SNX29: variants seen among roughly 807,000 people sequenced by gnomAD.
SNX29 encodes sorting nexin-29.
Under a neutral mutation model 102.1 loss-of-function variants are expected in SNX29, and 78 were observed. The observed-to-expected ratio is 0.76, with a 90% CI of 0.64 to 0.92. The LOEUF (loss-of-function observed/expected upper bound fraction) is 0.92. Among genes scored for constraint, SNX29 ranks in the 40% least tolerant of loss-of-function variants. The probability of loss-of-function intolerance (pLI) is 0.00; values close to 1 mark genes in which losing one functional copy is unlikely to be tolerated. For missense variants in SNX29, 1,280 were observed against 1,061.7 expected, an observed-to-expected ratio of 1.21 and a Z score of -2.86; for synonymous variants, 580 against 414.5, an observed-to-expected ratio of 1.40 and a Z score of -4.85.
chr16:12,314,463 C>T, intron 15 of SNX29, among the ~76,000 whole-genome samples: 1 of 152,252 alleles, frequency 6.6e-6, no homozygotes, highest in East Asian at 1.9e-4. Context: ...GCCGTGTGGC[C>T]TCAGCCGAGT....
At chr16:12,461,351 A>T (rs1335025370) in intron 18 of SNX29, among the ~76,000 whole-genome samples, 3 of 152,114 alleles carry the variant, frequency 2.0e-5, no homozygotes, top group African/African-American at 7.2e-5. Context: ...GAATTTCCAG[A>T]GGTGGTTTTG....
chr16:12,560,959 C>T (rs998677066), intron 20 of SNX29: 1 of 210,744 alleles, frequency 4.7e-6, no homozygotes, highest in Non-Finnish European at 9.6e-6. Context: ...CAGACCCAGA[C>T]CTGCCTTCAA....
In SNX29 at chr16:12,570,172, G is replaced by A. The variant is rs1056745646; in HGVS notation, c.*1543G>A. The A allele has an allele frequency of 2.8e-6, 3 of 1,065,196 alleles. No individual in the cohort carries two copies. Among genetic ancestry groups the A allele is most frequent in the East Asian group, 5.0e-5 (1 of 20,072 alleles). 66.0% of individuals were successfully genotyped at this position (1,065,196 alleles called of 1,614,324 possible). ...TCACACACAGCGCCCCCCCACCCCAGAGAAACCGAGTCAGCCTACATGACT... is the reference window on the plus strand; with the variant it reads ...TCACACACAGCGCCCCCCCACCCCAAAGAAACCGAGTCAGCCTACATGACT... On this transcript the variant is annotated 3_prime_UTR_variant, in exon 21 of 21. Coordinates refer to ENST00000566228, the MANE Select transcript of SNX29 (RefSeq NM_032167.5).
At chr16:11,988,266 C>G (rs1037549079) in intron 1 of SNX29, among the ~76,000 whole-genome samples, 3 of 149,722 alleles carry the variant, frequency 2.0e-5, no homozygotes, top group African/African-American at 7.4e-5. Context: ...TGCACTCCAG[C>G]CTGGGCGACA....
chr16:12,349,548 G>A (rs1275443191), intron 15 of SNX29, among the ~76,000 whole-genome samples: 2 of 152,214 alleles, frequency 1.3e-5, no homozygotes, highest in Non-Finnish European at 2.9e-5. Flanking sequence ...GCTCATTGGA[G>A]CATTTGGATT....
At chr16:12,240,905 C>A (rs1000245478) in intron 14 of SNX29, among the ~76,000 whole-genome samples, 1 of 152,116 alleles carries the variant, frequency 6.6e-6, no homozygotes, top group Non-Finnish European at 1.5e-5. Flanking sequence ...CGCACCTTGC[C>A]ATCTTTGTCA....
chr16:12,511,745 G>A (rs529740216), intron 19 of SNX29, among the ~76,000 whole-genome samples: 19 of 152,294 alleles, frequency 1.2e-4, no homozygotes, highest in African/African-American at 4.6e-4. Flanking sequence ...GAGCTGCCCA[G>A]GGATTGGGGC....
chr16:12,371,464 A>C (rs2082679613), intron 16 of SNX29, among the ~76,000 whole-genome samples: 1 of 152,012 alleles, frequency 6.6e-6, no homozygotes, highest in Non-Finnish European at 1.5e-5. Flanking sequence ...TGCCTGGCTA[A>C]TTTTGTTATT....
intron 3 of SNX29, among the ~76,000 whole-genome samples, chr16:12,007,243 G>T (rs1022315406): frequency 6.6e-6 from 1 of 152,190 alleles, no homozygotes; most frequent in African/African-American, 2.4e-5. Context: ...AGTGGCTCAC[G>T]CCTATAATCC....
intron 18 of SNX29, among the ~76,000 whole-genome samples, chr16:12,465,105 C>T (rs2086991878): frequency 6.6e-6 from 1 of 152,110 alleles, no homozygotes; most frequent in East Asian, 1.9e-4. Flanking sequence ...TTTGGGATTT[C>T]TGTATATATT....
Position 12,351,219 on chromosome 16 carries a change from G to A in SNX29, c.1783-4944G>A, listed in dbSNP as rs542125934. ...AGGCCTGACACTTAGTTGGTGCTCC[G>A]GAGTGTGTGAACGCAAAGTGGGGAC... On this transcript the variant is annotated intron_variant, in intron 15 of 20. Coordinates refer to ENST00000566228, the MANE Select transcript of SNX29 (RefSeq NM_032167.5). 3.2e-4 allele frequency among the ~76,000 whole-genome samples: 48 copies of A among 152,206 alleles called. No homozygotes were observed. In the South Asian group the frequency reaches 5.4e-3, roughly 17 times the overall value.
intron 20 of SNX29, among the ~76,000 whole-genome samples, chr16:12,562,116 C>G (rs1234202249): frequency 2.6e-5 from 4 of 152,130 alleles, no homozygotes; most frequent in East Asian, 1.9e-4. Flanking sequence ...CGTTCACTCT[C>G]CTGTGTGACC....
chr16:12,554,995 C>T (rs774450452), intron 20 of SNX29, among the ~76,000 whole-genome samples: 42 of 152,136 alleles, frequency 2.8e-4, no homozygotes, highest in African/African-American at 8.4e-4. Flanking sequence ...GAGCACCTTT[C>T]TTTCTTGCAG....
chr16:12,568,659 T>A lies in SNX29; in HGVS notation c.*30T>A. On this transcript the variant is annotated 3_prime_UTR_variant, in exon 21 of 21. Transcript: ENST00000566228. ...GACAAAACCGCAGCCACGGGCCCTG[T>A]GCGTGGCACCAGCTGCGTCCACCCC... 1 of 1,597,090 alleles carries A rather than the reference T, an allele frequency of 6.3e-7. No homozygotes were observed. Among genetic ancestry groups the A allele is most frequent in the Non-Finnish European group, 8.5e-7 (1 of 1,178,238 alleles).
intron 19 of SNX29, among the ~76,000 whole-genome samples, chr16:12,510,654 C>A (rs557399488): frequency 8.2e-4 from 124 of 151,998 alleles, no homozygotes; most frequent in Non-Finnish European, 1.5e-3. Flanking sequence ...GCCTGGGCGA[C>A]AGAGTGAGAC....
At chr16:12,398,384 T>G (rs1597232410) in intron 16 of SNX29, 62 bp from the exon 17 acceptor site, 2 of 1,557,462 alleles carry the variant, frequency 1.3e-6, no homozygotes, top group East Asian at 2.2e-5. Flanking sequence ...CTTCTGTGAT[T>G]ATGCAAACCA....
chr16:12,543,825 C>A (rs980346591), intron 20 of SNX29, among the ~76,000 whole-genome samples: 3 of 152,208 alleles, frequency 2.0e-5, no homozygotes, highest in East Asian at 1.9e-4. Flanking sequence ...GACAGGGACA[C>A]CTTCGTATTT....
intron 11 of SNX29, among the ~76,000 whole-genome samples, chr16:12,123,826 G>A (rs1157049724): frequency 1.3e-5 from 2 of 152,198 alleles, no homozygotes; most frequent in Non-Finnish European, 2.9e-5. Context: ...TTCAGGCTGT[G>A]TGGGCCCCAT....
At chr16:12,494,056 G>A (rs2088684372) in intron 19 of SNX29, among the ~76,000 whole-genome samples, 1 of 152,094 alleles carries the variant, frequency 6.6e-6, no homozygotes, top group Non-Finnish European at 1.5e-5. Flanking sequence ...ATCATTTTAT[G>A]TTTTCTGGAT....
Sources: gnomAD v4.1 joint callset for allele counts (sites outside exome capture counted in the v4.1 genomes callset) on GRCh38, gnomAD v4.1.1 for gene constraint, MANE v1.5 for transcripts, NCBI Gene and HGNC (gene_info 2026-07-23, HGNC 2026-07-21) for gene names.